The following TBC1D5 variants were observed in gnomAD, a reference collection of about 807,000 sequenced individuals.
TBC1D5 encodes TBC1 domain family member 5.
TBC1D5 carries 75 observed loss-of-function variants against 100.3 expected under a neutral mutation model. The observed-to-expected ratio is 0.75, with a 90% CI of 0.62 to 0.91. TBC1D5 has a LOEUF of 0.91. Among genes scored for constraint, TBC1D5 ranks in the 40% least tolerant of loss-of-function variants. The probability of loss-of-function intolerance (pLI) is 0.00; values close to 1 mark genes in which losing one functional copy is unlikely to be tolerated. For missense variants in TBC1D5, 910 were observed against 942.4 expected (o/e 0.97, Z 0.45); for synonymous variants, 323 against 325.6 (o/e 0.99, Z 0.09).
rs575215831 is a variant in TBC1D5 at position 17,472,211 on chromosome 3, T to C, written c.97+36263A>G. Among the ~76,000 whole-genome samples, 422 of 151,648 alleles carry C rather than the reference T, an allele frequency of 2.8e-3. 1 individual carries two copies. Among genetic ancestry groups the C allele is most frequent in the African/African-American group, 9.3e-3 (383 of 41,316 alleles). ...TGGAGTGCAGTGATGTGATCTCAGC[T>C]CACTACAACCTCCACCTCCTGAGTT... On this transcript the variant is annotated intron_variant, in intron 3 of 21. Transcript: ENST00000253692.
chr3:17,361,480 C>T (rs1337712258), intron 13 of TBC1D5, among the ~76,000 whole-genome samples: 1 of 152,100 alleles, frequency 6.6e-6, no homozygotes, highest in South Asian at 2.1e-4. Flanking sequence ...AATCATTTCA[C>T]GTGCACAAGA....
chr3:17,315,274 A>G (rs2084547846), intron 13 of TBC1D5, among the ~76,000 whole-genome samples: 1 of 152,204 alleles, frequency 6.6e-6, no homozygotes, highest in Non-Finnish European at 1.5e-5. Context: ...ATTAATTTAT[A>G]TATATTTTAT....
chr3:17,723,111 T>C (rs1194567826), intron 1 of TBC1D5, among the ~76,000 whole-genome samples: 1 of 152,216 alleles, frequency 6.6e-6, no homozygotes, highest in East Asian at 1.9e-4. Flanking sequence ...TATTATTAAC[T>C]ATATTATTGT....
At chr3:17,658,746 T>G (rs948073397) in intron 1 of TBC1D5, among the ~76,000 whole-genome samples, 54 of 152,082 alleles carry the variant, frequency 3.6e-4, no homozygotes, top group African/African-American at 1.3e-3. Flanking sequence ...AACCTCAACC[T>G]CCGCCTTCCA....
intron 18 of TBC1D5, among the ~76,000 whole-genome samples, chr3:17,188,057 G>T (rs192368426): frequency 2.6e-5 from 4 of 152,356 alleles, no homozygotes; most frequent in Admixed American, 2.6e-4. Context: ...AGAGGATATA[G>T]GCACAGCCTG....
chr3:17,368,465 T>C (rs928702430), intron 13 of TBC1D5, among the ~76,000 whole-genome samples: 8 of 152,012 alleles, frequency 5.3e-5, no homozygotes, highest in South Asian at 2.1e-4. Context: ...TTTAAGTAAT[T>C]TGATGTTCCA....
rs796181459 is a variant in TBC1D5 at position 17,485,569 on chromosome 3, T to C, written c.97+22905A>G. ...ATGTGTTCTCATTGTTCAATTCCCA[T>C]CTATGAGTGAGAACATGCGGTGTTT... On this transcript the variant is annotated intron_variant, in intron 3 of 21. Coordinates refer to ENST00000253692, the Ensembl canonical transcript of TBC1D5. 9.2e-4 allele frequency among the ~76,000 whole-genome samples: 135 copies of C among 146,236 alleles called. 1 individual carries two copies. The South Asian group carries it at 0.028, about 31-fold the overall frequency.
chr3:17,464,868 A>T (rs999113388), intron 3 of TBC1D5, among the ~76,000 whole-genome samples: 9 of 126,234 alleles, frequency 7.1e-5, no homozygotes, highest in South Asian at 2.4e-4. Context: ...TTTTCAAGAT[A>T]AAAAAAAACA....
chr3:17,200,429 T>TA (rs1399112362), intron 18 of TBC1D5, among the ~76,000 whole-genome samples: 1 of 152,232 alleles, frequency 6.6e-6, no homozygotes, highest in African/African-American at 2.4e-5. Flanking sequence ...TAGATTCTCA[T>TA]AGGAGTGTGA....
chr3:17,702,427 C>G (rs924702522), intron 1 of TBC1D5: 1 of 151,876 alleles, frequency 6.6e-6, no homozygotes, highest in African/African-American at 2.4e-5. Context: ...TCATGGAATC[C>G]TGGCTTTATA....
Position 17,537,771 on chromosome 3 carries a change from A to G in TBC1D5, c.-35-29166T>C, listed in dbSNP as rs181524991. Among the ~76,000 whole-genome samples the G allele has an allele frequency of 3.3e-5, 5 of 152,332 alleles. No individual in the cohort carries two copies. The East Asian group carries it at 9.6e-4, about 29-fold the overall frequency. On this transcript the variant is annotated intron_variant, in intron 2 of 21. Transcript: ENST00000253692. ...TTATAAGCCTGAATAATATTCCATT[A>G]TATGTATATACCACATTTTGTCTAT...
At chr3:17,686,277 C>G (rs371517294) in intron 1 of TBC1D5, among the ~76,000 whole-genome samples, 1 of 152,058 alleles carries the variant, frequency 6.6e-6, no homozygotes, top group Non-Finnish European at 1.5e-5. Flanking sequence ...CATAAATCAG[C>G]CTTCATTTAA....
intron 18 of TBC1D5, among the ~76,000 whole-genome samples, chr3:17,206,733 T>C (rs549852577): frequency 6.6e-6 from 1 of 152,296 alleles, no homozygotes; most frequent in East Asian, 1.9e-4. Flanking sequence ...AGCTCAGACC[T>C]TTTTTGATTT....
chr3:17,343,449 C>G (rs1285317994), intron 13 of TBC1D5, among the ~76,000 whole-genome samples: 1 of 148,894 alleles, frequency 6.7e-6, no homozygotes, highest in Non-Finnish European at 1.5e-5. Flanking sequence ...GTGTCTCTGC[C>G]CGGCTTTGGT....
intron 8 of TBC1D5, among the ~76,000 whole-genome samples, chr3:17,390,912 C>T (rs1182269098): frequency 6.6e-6 from 1 of 152,116 alleles, no homozygotes; most frequent in Non-Finnish European, 1.5e-5. Flanking sequence ...CCTGTTTTCT[C>T]TTCTTTGCAG....
chr3:17,436,583 C>T (rs1369614322), intron 3 of TBC1D5, among the ~76,000 whole-genome samples: 1 of 152,040 alleles, frequency 6.6e-6, no homozygotes, highest in Admixed American at 6.6e-5. Context: ...TTGTGCAGCC[C>T]TTATAATATC....
chr3:17,243,491 T>TGTA (rs961146704), intron 16 of TBC1D5, among the ~76,000 whole-genome samples: 1 of 152,114 alleles, frequency 6.6e-6, no homozygotes, highest in Non-Finnish European at 1.5e-5. Flanking sequence ...CTCCAAAATG[T>TGTA]GTACAATTAT....
At chr3:17,206,098 C>T (rs1014084895) in intron 18 of TBC1D5, among the ~76,000 whole-genome samples, 10 of 152,176 alleles carry the variant, frequency 6.6e-5, no homozygotes, top group East Asian at 3.9e-4. Flanking sequence ...GCTCAATATC[C>T]GCCACTACTA....
At chr3:17,606,847 C>T (rs906087668) in intron 2 of TBC1D5, among the ~76,000 whole-genome samples, 2 of 152,044 alleles carry the variant, frequency 1.3e-5, no homozygotes, top group Non-Finnish European at 2.9e-5. Flanking sequence ...TCCCAAAAAA[C>T]GATCCTGATG....
Sources: allele counts gnomAD v4.1 joint callset (sites outside exome capture counted in the v4.1 genomes callset), GRCh38; gene constraint gnomAD v4.1.1; transcripts MANE v1.5; gene names NCBI Gene and HGNC (gene_info 2026-07-23, HGNC 2026-07-21).